The following TLN2 variants were observed in gnomAD, a reference collection of about 807,000 sequenced individuals.
TLN2 encodes talin-2.
In TLN2, 118 loss-of-function variants were observed where a neutral mutation model predicts 294.7. The ratio of observed to expected loss-of-function variants is 0.40; its 90% CI spans 0.34 to 0.47. TLN2 has a LOEUF of 0.47. Among genes scored for constraint, TLN2 ranks in the 20% least tolerant of loss-of-function variants. TLN2 has a pLI of 0.84. For missense variants in TLN2, 3,083 were observed against 3,282.2 expected (o/e 0.94, Z 1.48); for synonymous variants, 1,431 against 1,304.5 (o/e 1.10, Z -2.09).
intron 1 of TLN2, among the ~76,000 whole-genome samples, chr15:62,470,920 T>C (rs2037433708): frequency 1.3e-5 from 2 of 152,252 alleles, no homozygotes; most frequent in African/African-American, 4.8e-5. Context: ...TAGCAAAATA[T>C]AATTCTGGGA....
chr15:62,535,937 A>G (rs1291744524), intron 1 of TLN2, among the ~76,000 whole-genome samples: 2 of 152,176 alleles, frequency 1.3e-5, no homozygotes, highest in Non-Finnish European at 2.9e-5. Flanking sequence ...CAAATGCGCA[A>G]AGTCTTGTGA....
At chr15:62,472,261 C>G (rs1184212409) in intron 1 of TLN2, among the ~76,000 whole-genome samples, 1 of 152,102 alleles carries the variant, frequency 6.6e-6, no homozygotes, top group Non-Finnish European at 1.5e-5. Context: ...CTCTTTCTTC[C>G]CCCAAACCCA....
At chr15:62,480,316 C>G (rs1352161290) in intron 1 of TLN2, among the ~76,000 whole-genome samples, 4 of 152,160 alleles carry the variant, frequency 2.6e-5, no homozygotes, top group Non-Finnish European at 4.4e-5. Flanking sequence ...TGGGTTCAAG[C>G]GATTCTCCAG....
At chr15:62,418,228 G>A (rs1352517878) in intron 1 of TLN2, among the ~76,000 whole-genome samples, 7 of 152,158 alleles carry the variant, frequency 4.6e-5, no homozygotes. Context: ...TGCCTCCCCC[G>A]CTTTCTCTTG....
intron 1 of TLN2, among the ~76,000 whole-genome samples, chr15:62,404,928 C>T (rs289139): frequency 0.59 from 90,443 of 152,020 alleles, 29,171 homozygotes; most frequent in East Asian, 0.81. Context: ...GAAGACAGGA[C>T]GTTTAGTACA....
intron 35 of TLN2, 72 bp downstream of exon 35, chr15:62,752,499 C>T: frequency 6.4e-7 from 1 of 1,566,462 alleles, no homozygotes; most frequent in South Asian, 1.2e-5. Flanking sequence ...GGAACTCCAG[C>T]TGCACCTCTT....
chr15:62,657,264 C>CT (rs2053332137), intron 8 of TLN2, among the ~76,000 whole-genome samples: 1 of 151,982 alleles, frequency 6.6e-6, no homozygotes, highest in Non-Finnish European at 1.5e-5. Flanking sequence ...CCCCTGCTGT[C>CT]TTGAGTATTG....
intron 1 of TLN2, among the ~76,000 whole-genome samples, chr15:62,585,446 G>A (rs910875949): frequency 2.6e-5 from 4 of 152,074 alleles, no homozygotes; most frequent in African/African-American, 4.8e-5. Context: ...CTGCTCTTAC[G>A]ATGAGCAACC....
intron 3 of TLN2, chr15:62,640,074 G>C (rs1405085155): frequency 1.1e-5 from 5 of 441,056 alleles, no homozygotes; most frequent in Non-Finnish European, 2.3e-5. Flanking sequence ...AGACTGTCCT[G>C]CCGAGCGAGG....
At position 62,697,731 on chromosome 15, in the gene TLN2, G is replaced by T. The variant is rs1314126505; in HGVS notation, c.1336G>T (p.Glu446Ter). 4 of 1,608,648 alleles carry T rather than the reference G, an allele frequency of 2.5e-6. No homozygotes were observed. The highest frequency in any genetic ancestry group is 3.4e-6 in the Non-Finnish European group (4 of 1,176,042). ...GCAGTTCAACCGGACCGGGAAGGCA[G>T]AGCACGGCTCAGTGGCGCTGCCGGC... ...QQQFNRTGKA[E>*]HGSVALPAVM... The change falls in exon 15 of 59, where the codon GAG becomes TAG. Residue 446 changes from glutamate to a stop codon, truncating the protein, a stop_gained. Coordinates refer to ENST00000636159, the MANE Select transcript of TLN2 (RefSeq NM_015059.3). LOFTEE classifies it high-confidence loss of function.
intron 55 of TLN2, chr15:62,835,199 T>C (rs916828046): frequency 1.1e-4 from 17 of 154,358 alleles, no homozygotes; most frequent in Non-Finnish European, 2.0e-4. Flanking sequence ...CAGAGATCCA[T>C]ATTTCTCTCC....
chr15:62,590,926 C>G (rs567912631), intron 2 of TLN2, among the ~76,000 whole-genome samples: 5 of 151,288 alleles, frequency 3.3e-5, no homozygotes, highest in African/African-American at 1.2e-4. Flanking sequence ...CCTGGTCATG[C>G]CTCTACTTTA....
chr15:62,562,916 A>T (rs2043084390), intron 1 of TLN2, among the ~76,000 whole-genome samples: 3 of 68,710 alleles, frequency 4.4e-5, no homozygotes, highest in Non-Finnish European at 9.8e-5. Context: ...TCACACACAC[A>T]CACACACACA....
chr15:62,621,130 T>A (rs1047785414), intron 3 of TLN2, among the ~76,000 whole-genome samples: 1 of 152,190 alleles, frequency 6.6e-6, no homozygotes, highest in African/African-American at 2.4e-5. Context: ...TGAGCCACTG[T>A]GCCCGGCCAA....
chr15:62,631,463 T>G (rs544868513), intron 3 of TLN2, among the ~76,000 whole-genome samples: 1 of 151,802 alleles, frequency 6.6e-6, no homozygotes, highest in Non-Finnish European at 1.5e-5. Flanking sequence ...TCTCTTTCTT[T>G]CTCTCTCTCT....
chr15:62,836,462 T>C (rs2141259492), intron 57 of TLN2, among the ~76,000 whole-genome samples: 1 of 152,332 alleles, frequency 6.6e-6, no homozygotes, highest in African/African-American at 2.4e-5. Context: ...TGTAGGTCTG[T>C]CTGTGAGCAG....
At chr15:62,424,628 C>T (rs578137800) in intron 1 of TLN2, among the ~76,000 whole-genome samples, 40 of 151,926 alleles carry the variant, frequency 2.6e-4, no homozygotes, top group Non-Finnish European at 5.3e-4. Context: ...AAACTGCCGT[C>T]CAGGCATCCC....
intron 1 of TLN2, among the ~76,000 whole-genome samples, chr15:62,552,593 C>G (rs2042385280): frequency 6.6e-6 from 1 of 151,998 alleles, no homozygotes; most frequent in South Asian, 2.1e-4. Context: ...AAAATGAGCC[C>G]CTGGTGTAGT....
chr15:62,445,996 T>G (rs2035802244), intron 1 of TLN2, among the ~76,000 whole-genome samples: 1 of 151,808 alleles, frequency 6.6e-6, no homozygotes, highest in Non-Finnish European at 1.5e-5. Context: ...CTTTTTTTTT[T>G]GTATAAATTT....
Sources: allele counts gnomAD v4.1 joint callset (sites outside exome capture counted in the v4.1 genomes callset), GRCh38; gene constraint gnomAD v4.1.1; transcripts MANE v1.5; gene names NCBI Gene and HGNC (gene_info 2026-07-23, HGNC 2026-07-21).